The following CEMIP variants were observed in gnomAD, a reference collection of about 807,000 sequenced individuals.
CEMIP encodes the protein cell migration inducing hyaluronidase 1.
Under a neutral mutation model 156.9 loss-of-function variants are expected in CEMIP, and 105 were observed. The ratio of observed to expected loss-of-function variants is 0.67; its 90% CI spans 0.57 to 0.79. CEMIP has a LOEUF of 0.79. Among genes scored for constraint, CEMIP ranks in the 30% least tolerant of loss-of-function variants. The probability of loss-of-function intolerance (pLI) is 0.00; values close to 1 mark genes in which losing one functional copy is unlikely to be tolerated. For missense variants in CEMIP, 1,457 were observed against 1,769.4 expected (o/e 0.82, Z 3.17); for synonymous variants, 676 against 668.4 (o/e 1.01, Z -0.17).
At chr15:80,900,769 C>T (rs1899495871) in intron 12 of CEMIP, 2 of 346,906 alleles carry the variant, frequency 5.8e-6, no homozygotes, top group Non-Finnish European at 1.1e-5. Context: ...CTCCATCTCC[C>T]TGTTGACAGG....
At chr15:80,835,958 A>T (rs576907447) in intron 1 of CEMIP, among the ~76,000 whole-genome samples, 123 of 148,268 alleles carry the variant, frequency 8.3e-4, no homozygotes, top group African/African-American at 3.0e-3. Flanking sequence ...TTTTTTTTTT[A>T]AATGTTAAGT....
At chr15:80,921,806 A>G (rs1382386813) in intron 16 of CEMIP, among the ~76,000 whole-genome samples, 1 of 152,218 alleles carries the variant, frequency 6.6e-6, no homozygotes, top group African/African-American at 2.4e-5. Flanking sequence ...AAGGGCTTTA[A>G]CTGTCATGGT....
At position 80,898,006 on chromosome 15, in the gene CEMIP, A is replaced by T. The variant is rs573623703; in HGVS notation, c.1411+1946A>T. Among the ~76,000 whole-genome samples the T allele has an allele frequency of 6.6e-5, 10 of 152,376 alleles. No homozygotes were observed. In the East Asian group the frequency reaches 1.9e-3, roughly 29 times the overall value. On this transcript the variant is annotated intron_variant, in intron 12 of 29. Coordinates refer to ENST00000394685, the MANE Select transcript of CEMIP (RefSeq NM_001293298.2). The stretch of plus-strand genomic sequence containing the variant: ...GGTTTTCATATGAAAGATATTCACA[A>T]CAATGTGAGCAGCAATGCTGGGAGC...
chr15:80,859,152 T>C lies in CEMIP; in HGVS notation c.-175-14386T>C, dbSNP rs565518127. On this transcript the variant is annotated intron_variant, in intron 1 of 29. Coordinates refer to ENST00000394685, the MANE Select transcript of CEMIP (RefSeq NM_001293298.2). ...GCAGCCAGGGGAATGGATCTATTCA[T>C]TGGCCAGGCCGGGTCACATATCTAC... Among the ~76,000 whole-genome samples, 11 of 152,314 alleles carry C rather than the reference T, an allele frequency of 7.2e-5. No homozygotes were observed. The East Asian group carries it at 1.2e-3, about 16-fold the overall frequency.
At chr15:80,860,495 G>A (rs543754952) in intron 1 of CEMIP, among the ~76,000 whole-genome samples, 1 of 152,310 alleles carries the variant, frequency 6.6e-6, no homozygotes, top group East Asian at 1.9e-4. Flanking sequence ...AGCCATGGAT[G>A]GGATGAGAAT....
At chr15:80,928,876 G>C in intron 19 of CEMIP, 26 bp from the exon 20 acceptor site, 2 of 1,613,132 alleles carry the variant, frequency 1.2e-6, no homozygotes, top group Non-Finnish European at 1.7e-6. Flanking sequence ...GGCATGCTCT[G>C]ACTATCTATC....
intron 1 of CEMIP, among the ~76,000 whole-genome samples, chr15:80,789,578 T>TA (rs1020132585): frequency 6.6e-6 from 1 of 152,118 alleles, no homozygotes; most frequent in Non-Finnish European, 1.5e-5. Flanking sequence ...ATTTTTTTTT[T>TA]AAATAAAAAG....
rs535992572 is a variant in CEMIP, at chr15:80,895,071, C to G, written c.1168C>G (p.Arg390Gly). The change falls in exon 11 of 30, where the codon CGG becomes GGG. Residue 390 changes from arginine to glycine, a missense_variant. This residue lies in a region of CEMIP where 280 missense variants were observed against 300.3 expected (regional missense o/e 0.93). Coordinates refer to ENST00000394685, the MANE Select transcript of CEMIP (RefSeq NM_001293298.2). The stretch of plus-strand genomic sequence containing the variant: ...GGATTATAGGTTTGCTTGCTACGAC[C>G]GGGGCAGAGCCTGCCGGAGCTACCG... ...GQDYRFACYDRGRACRSYRVR... is the reference protein window; with the variant it reads ...GQDYRFACYDGGRACRSYRVR... The G allele has an allele frequency of 1.2e-6, 2 of 1,614,178 alleles. No homozygotes were observed. Among genetic ancestry groups the G allele is most frequent in the East Asian group, 4.5e-5 (2 of 44,878 alleles).
intron 1 of CEMIP, among the ~76,000 whole-genome samples, chr15:80,867,312 G>A (rs138579168): frequency 1.5e-4 from 23 of 152,320 alleles, no homozygotes; most frequent in South Asian, 8.3e-4. Context: ...TACTGTCTGT[G>A]AGCCTGAAGC....
At chr15:80,866,750 C>T (rs1898139608) in intron 1 of CEMIP, among the ~76,000 whole-genome samples, 1 of 149,316 alleles carries the variant, frequency 6.7e-6, no homozygotes, top group Admixed American at 6.7e-5. Flanking sequence ...CACACCACTG[C>T]ACTCCAGCCT....
rs749492356 is a variant in CEMIP, at chr15:80,906,756, G to A, written c.1505G>A (p.Gly502Glu). 7 of 1,614,202 alleles carry A rather than the reference G, an allele frequency of 4.3e-6. No homozygotes were observed. Among genetic ancestry groups the A allele is most frequent in the African/African-American group, 1.3e-5 (1 of 75,052 alleles). ...CTGAGCCGGAACATCATAGTGATGG[G>A]GGAGATGGAGGACAAATGCTACCCC... ...GLLSRNIIVM[G>E]EMEDKCYPYR... The change falls in exon 13 of 30, where the codon GGG becomes GAG. Residue 502 changes from glycine (G) to glutamate (E), a missense_variant. Physicochemically the swap from Gly to Glu is moderately conservative, Grantham distance 98 (BLOSUM62 -2). Around this residue, in one of 5 missense-constraint regions of CEMIP, gnomAD observed 280 missense variants for 300.3 expected, o/e 0.93. Transcript: ENST00000394685. This position sits in a 1 kb window ranked among gnomAD's most constrained non-coding sequence, Gnocchi z 4.3.
At chr15:80,849,669 CAGAGAGAGAGAG>C (rs151265419) in intron 1 of CEMIP, among the ~76,000 whole-genome samples, 2 of 150,098 alleles carry the variant, frequency 1.3e-5, no homozygotes, top group African/African-American at 2.4e-5. Context: ...GAATGACCAC[CAGAGAGAGAGAG>C]AGAGAGAGTA....
chr15:80,802,748 T>C (rs977968300), intron 1 of CEMIP, among the ~76,000 whole-genome samples: 2 of 152,230 alleles, frequency 1.3e-5, no homozygotes, highest in African/African-American at 4.8e-5. Flanking sequence ...GCAATGGCTT[T>C]GGACTTAGAG....
intron 1 of CEMIP, among the ~76,000 whole-genome samples, chr15:80,852,908 G>A: frequency 6.6e-6 from 1 of 152,154 alleles, no homozygotes; most frequent in East Asian, 1.9e-4. Flanking sequence ...CTGAATAGCT[G>A]AGGGGCAAAA....
intron 1 of CEMIP, among the ~76,000 whole-genome samples, chr15:80,813,994 C>T (rs1349259998): frequency 6.7e-6 from 1 of 149,994 alleles, no homozygotes; most frequent in African/African-American, 2.5e-5. Context: ...TTGATCAAAG[C>T]TGAGACACCC....
At chr15:80,914,491 T>G (rs536217051) in intron 14 of CEMIP, among the ~76,000 whole-genome samples, 4 of 152,126 alleles carry the variant, frequency 2.6e-5, no homozygotes, top group Non-Finnish European at 5.9e-5. Context: ...AGGGGTGCCA[T>G]CTATATGGAC....
At chr15:80,781,278 C>G (rs1895787180) in intron 1 of CEMIP, among the ~76,000 whole-genome samples, 1 of 152,122 alleles carries the variant, frequency 6.6e-6, no homozygotes, top group South Asian at 2.1e-4. Context: ...GAGAAGAAAT[C>G]AAATAGAGCA....
intron 7 of CEMIP, among the ~76,000 whole-genome samples, chr15:80,886,974 T>C (rs992611512): frequency 6.6e-6 from 1 of 152,176 alleles, no homozygotes; most frequent in Non-Finnish European, 1.5e-5. Context: ...ACAAATTCCT[T>C]GAGCTTGAAA....
chr15:80,819,256 C>T (rs1021513616), intron 1 of CEMIP, among the ~76,000 whole-genome samples: 5 of 152,288 alleles, frequency 3.3e-5, no homozygotes, highest in African/African-American at 1.2e-4. Flanking sequence ...CCATGCCTGT[C>T]AGAGTGTGGT....
Sources: gnomAD v4.1 joint callset for allele counts (sites outside exome capture counted in the v4.1 genomes callset) on GRCh38, gnomAD v4.1.1 for gene constraint, gnomAD v4.1.1 regional missense constraint, Gnocchi (gnomAD v3.1) non-coding constraint, MANE v1.5 for transcripts, NCBI Gene and HGNC (gene_info 2026-07-23, HGNC 2026-07-21) for gene names.